Variants in MYT1L observed in about 807,000 individuals in gnomAD.
MYT1L encodes myelin transcription factor 1 like.
In MYT1L, 12 loss-of-function variants were observed where a neutral mutation model predicts 126.7. The ratio of observed to expected loss-of-function variants is 0.09; its 90% confidence interval spans 0.06 to 0.15. The LOEUF (loss-of-function observed/expected upper bound fraction) is 0.15. Among genes scored for constraint, MYT1L ranks in the 10% least tolerant of loss-of-function variants. The probability of loss-of-function intolerance (pLI) is 1.00; values close to 1 mark genes in which losing one functional copy is unlikely to be tolerated. For synonymous variants in MYT1L, 541 were observed against 604.2 expected, an observed-to-expected ratio of 0.90 and a Z score of 1.53; for missense variants, 979 against 1,585.2, an observed-to-expected ratio of 0.62 and a Z score of 6.49.
At chr2:1,803,039 A>G (rs148436925) in intron 22 of MYT1L, among the ~76,000 whole-genome samples, 323 of 152,360 alleles carry the variant, frequency 2.1e-3, no homozygotes, top group African/African-American at 7.4e-3. Flanking sequence ...CCCTGCTGAC[A>G]TCAGCAGAAC....
chr2:2,155,901 A>C (rs2086645424), intron 3 of MYT1L, among the ~76,000 whole-genome samples: 1 of 152,150 alleles, frequency 6.6e-6, no homozygotes, highest in Non-Finnish European at 1.5e-5. Context: ...CTGTGTGTGC[A>C]ACTCCAACCC....
intron 22 of MYT1L, among the ~76,000 whole-genome samples, chr2:1,804,790 G>C (rs2147943188): frequency 6.6e-6 from 1 of 152,316 alleles, no homozygotes; most frequent in Non-Finnish European, 1.5e-5. Flanking sequence ...GGAGCTCTCA[G>C]GAATATTAAG....
chr2:2,100,736 T>C (rs1269716842), intron 3 of MYT1L, among the ~76,000 whole-genome samples: 1 of 152,330 alleles, frequency 6.6e-6, no homozygotes, highest in Non-Finnish European at 1.5e-5. Context: ...TGGTGAGACA[T>C]CATCCTGCTT....
At chr2:2,024,477 G>C (rs1232747341) in intron 4 of MYT1L, among the ~76,000 whole-genome samples, 1 of 152,144 alleles carries the variant, frequency 6.6e-6, no homozygotes, top group African/African-American at 2.4e-5. Context: ...TTTCCAAGCT[G>C]CTCTTTCTAT....
At chr2:1,845,548 C>T (rs963261304) in intron 19 of MYT1L, among the ~76,000 whole-genome samples, 8 of 152,108 alleles carry the variant, frequency 5.3e-5, no homozygotes, top group African/African-American at 1.7e-4. Flanking sequence ...CCCAGGGGCC[C>T]CTCCCACTCC....
At chr2:2,306,863 TA>T (rs2095865957) in intron 1 of MYT1L, among the ~76,000 whole-genome samples, 1 of 152,196 alleles carries the variant, frequency 6.6e-6, no homozygotes, top group East Asian at 1.9e-4. Flanking sequence ...TAGGGTAGGT[TA>T]CACCATTATA....
At chr2:2,273,860 AATT>A (rs2095311567) in intron 2 of MYT1L, among the ~76,000 whole-genome samples, 1 of 152,240 alleles carries the variant, frequency 6.6e-6, no homozygotes, top group Admixed American at 6.5e-5. Flanking sequence ...CCACAAAAAA[AATT>A]ATTGTGGGTG....
intron 1 of MYT1L, among the ~76,000 whole-genome samples, chr2:2,328,323 AAAAT>A (rs1230854232): frequency 3.9e-5 from 6 of 152,214 alleles, no homozygotes; most frequent in Non-Finnish European, 7.3e-5. Context: ...AAGAGAGTAA[AAAAT>A]AAATAAATAA....
Position 1,801,907 on chromosome 2 carries a change from G to A in MYT1L, c.3173-108C>T, listed in dbSNP as rs769608153. The A allele has an allele frequency of 2.7e-5, 18 of 658,964 alleles. No individual in the cohort carries two copies. The highest frequency in any genetic ancestry group is 4.2e-5 in the Non-Finnish European group (17 of 400,948). 40.8% of individuals were successfully genotyped at this position (658,964 alleles called of 1,614,324 possible). On this transcript the variant is annotated intron_variant, in intron 22 of 24. Coordinates refer to ENST00000647738, the MANE Select transcript of MYT1L (RefSeq NM_001303052.2). The surrounding 1 kb of genome is among the most constrained non-coding windows in gnomAD (Gnocchi z 4.2). ...TTTATATTCGTAATTGAATTTGCTT[G>A]GAAAATAGACTCTTGAATTAGAAAG...
chr2:2,160,498 G>A (rs1176815692), intron 3 of MYT1L, among the ~76,000 whole-genome samples: 1 of 152,206 alleles, frequency 6.6e-6, no homozygotes, highest in Non-Finnish European at 1.5e-5. Context: ...GGGCATCACT[G>A]GCTGCTAAAG....
At chr2:1,837,539 G>A (rs2041073982) in intron 21 of MYT1L, among the ~76,000 whole-genome samples, 1 of 152,160 alleles carries the variant, frequency 6.6e-6, no homozygotes, top group African/African-American at 2.4e-5. Flanking sequence ...CTGAAGATCT[G>A]CTTGCACAAG....
At position 2,048,822 on chromosome 2, in the gene MYT1L, T is replaced by C. The variant is rs2068486242; in HGVS notation, c.-158+5156A>G. On this transcript the variant is annotated intron_variant, in intron 4 of 24. Transcript: ENST00000647738. ...GTTAGGAGGAAGGAGATGCCATGAT[T>C]TGCAGTTTCCACCACACTCCGGAAT... Among the ~76,000 whole-genome samples, 2 of 152,122 alleles carry C rather than the reference T, an allele frequency of 1.3e-5. 1 individual carries two copies. The highest frequency in any genetic ancestry group is 4.1e-4 in the South Asian group (2 of 4,822).
chr2:2,220,106 A>G (rs1035460868), intron 2 of MYT1L, among the ~76,000 whole-genome samples: 3 of 152,124 alleles, frequency 2.0e-5, no homozygotes, highest in African/African-American at 7.2e-5. Context: ...CCACGAAAAG[A>G]GTCTAACTCT....
At chr2:1,984,354 C>T (rs2060842699) in intron 5 of MYT1L, among the ~76,000 whole-genome samples, 1 of 152,078 alleles carries the variant, frequency 6.6e-6, no homozygotes, top group Non-Finnish European at 1.5e-5. Flanking sequence ...TGCCACCATG[C>T]CTGGCTAATC....
At chr2:1,849,809 A>G (rs967158373) in intron 19 of MYT1L, among the ~76,000 whole-genome samples, 12 of 152,236 alleles carry the variant, frequency 7.9e-5, no homozygotes, top group African/African-American at 2.2e-4. Flanking sequence ...CTGTTTAAAC[A>G]TAGCTCTCAA....
intron 9 of MYT1L, among the ~76,000 whole-genome samples, chr2:1,926,605 C>T (rs2054262318): frequency 6.6e-6 from 1 of 152,216 alleles, no homozygotes; most frequent in African/African-American, 2.4e-5. Flanking sequence ...CTCTGTCATG[C>T]AGGCTAGAGT....
chr2:1,796,668 G>C (rs942074380), intron 23 of MYT1L, among the ~76,000 whole-genome samples: 1 of 151,138 alleles, frequency 6.6e-6, no homozygotes, highest in Non-Finnish European at 1.5e-5. Context: ...TTTGGGCCAC[G>C]GGGGGCAGCA....
At chr2:1,952,649 C>T (rs932110498) in intron 8 of MYT1L, among the ~76,000 whole-genome samples, 9 of 150,638 alleles carry the variant, frequency 6.0e-5, no homozygotes, top group Non-Finnish European at 1.3e-4. Flanking sequence ...CCACGGCACA[C>T]CACCCCCAGC....
At chr2:2,054,352 A>G (rs1025171981) in intron 3 of MYT1L, among the ~76,000 whole-genome samples, 1 of 152,088 alleles carries the variant, frequency 6.6e-6, no homozygotes, top group East Asian at 1.9e-4. Flanking sequence ...ATGCATGGAC[A>G]TGAAACACTA....
Sources: allele counts gnomAD v4.1 joint callset (sites outside exome capture counted in the v4.1 genomes callset), GRCh38; gene constraint gnomAD v4.1.1; non-coding constraint Gnocchi (gnomAD v3.1); transcripts MANE v1.5; gene names NCBI Gene and HGNC (gene_info 2026-07-23, HGNC 2026-07-21).